The following DDX4 variants were observed in gnomAD, a reference collection of about 807,000 sequenced individuals.
DDX4 encodes probable ATP-dependent RNA helicase DDX4.
In DDX4, 25 loss-of-function variants were observed where a neutral mutation model predicts 100.0. The ratio of observed to expected loss-of-function variants is 0.25; its 90% CI spans 0.18 to 0.35. The LOEUF is 0.35. Ranked by LOEUF, DDX4 falls within the 10% of genes least tolerant of loss-of-function variation. The pLI, the probability that DDX4 is intolerant of heterozygous loss-of-function variation, is 1.00. For missense variants in DDX4, 635 were observed against 882.4 expected (o/e 0.72, Z 3.55); for synonymous variants, 259 against 275.7 (o/e 0.94, Z 0.60).
intron 3 of DDX4, among the ~76,000 whole-genome samples, chr5:55,748,926 A>G (rs1449575754): frequency 6.6e-6 from 1 of 152,080 alleles, no homozygotes; most frequent in South Asian, 2.1e-4. Flanking sequence ...TTGCTTACCC[A>G]TGCTTACCTT....
chr5:55,779,603 A>T (rs1016380569), intron 7 of DDX4, among the ~76,000 whole-genome samples: 6 of 152,206 alleles, frequency 3.9e-5, no homozygotes, highest in Admixed American at 6.6e-5. Context: ...TATATTCTAT[A>T]TGGAGCAGAT....
rs1010273192 is a variant in DDX4 at position 55,782,311 on chromosome 5, A to T, written c.625+330A>T. The T allele has an allele frequency of 1.8e-5, 4 of 222,472 alleles. No homozygotes were observed. In the South Asian group the frequency reaches 2.7e-4, roughly 15 times the overall value. The allele number at this position is 222,472 out of a possible 1,614,324, so 13.8% of individuals were successfully genotyped here. On this transcript the variant is annotated intron_variant, in intron 10 of 21. Coordinates refer to ENST00000505374, the MANE Select transcript of DDX4 (RefSeq NM_024415.3). ...AAAATCACCTAAAATTCATAAATAA[A>T]AAACTGTTTAAGTCCGGGTGCGGTG...
chr5:55,770,953 G>A (rs76029858), intron 7 of DDX4, among the ~76,000 whole-genome samples: 10,460 of 152,064 alleles, frequency 0.069, 562 homozygotes, highest in African/African-American at 0.15. Context: ...ATTTAAATGA[G>A]GCAGTCGAAA....
At chr5:55,781,042 T>A (rs1303117073) in intron 8 of DDX4, 24 bp from the exon 9 acceptor site, 4 of 1,586,490 alleles carry the variant, frequency 2.5e-6, no homozygotes. Flanking sequence ...TAATGTAATC[T>A]AATTTTACTT....
At chr5:55,760,471 A>C (rs561230233) in intron 4 of DDX4, among the ~76,000 whole-genome samples, 194 bp downstream of exon 4, 1 of 152,086 alleles carries the variant, frequency 6.6e-6, no homozygotes, top group Admixed American at 6.6e-5. Flanking sequence ...GATAGTAGGG[A>C]GTAGTGTTAA....
At chr5:55,804,930 C>G (rs187737) in intron 18 of DDX4, among the ~76,000 whole-genome samples, 1 of 151,118 alleles carries the variant, frequency 6.6e-6, no homozygotes, top group Admixed American at 6.6e-5. Context: ...GCCATTTTCA[C>G]GATATTGATT....
chr5:55,816,087 C>T (rs975893358), intron 21 of DDX4, among the ~76,000 whole-genome samples: 9 of 151,928 alleles, frequency 5.9e-5, no homozygotes, highest in Non-Finnish European at 1.0e-4. Context: ...CGCCCAGCCA[C>T]GAGGCTACAA....
intron 18 of DDX4, among the ~76,000 whole-genome samples, chr5:55,812,660 A>G (rs1474175659): frequency 6.6e-6 from 1 of 152,108 alleles, no homozygotes; most frequent in Admixed American, 6.5e-5. Flanking sequence ...CTCTTTTCCT[A>G]GATACCTGCA....
intron 7 of DDX4, among the ~76,000 whole-genome samples, chr5:55,778,313 T>C (rs1191771611): frequency 2.0e-5 from 3 of 152,132 alleles, no homozygotes; most frequent in Non-Finnish European, 2.9e-5. Context: ...TTAGAGGAAA[T>C]TTTATAGCCT....
At chr5:55,809,090 T>C (rs1743947670) in intron 18 of DDX4, among the ~76,000 whole-genome samples, 1 of 152,206 alleles carries the variant, frequency 6.6e-6, no homozygotes, top group Admixed American at 6.5e-5. Flanking sequence ...TGAGCGAGGC[T>C]CCATGGGGGT....
intron 10 of DDX4, among the ~76,000 whole-genome samples, chr5:55,784,461 G>A (rs1032317365): frequency 6.6e-6 from 1 of 152,158 alleles, no homozygotes; most frequent in Non-Finnish European, 1.5e-5. Context: ...GACATACCCA[G>A]AAATAATGGT....
At chr5:55,796,944 C>T (rs757485733) in intron 17 of DDX4, among the ~76,000 whole-genome samples, 4 of 145,572 alleles carry the variant, frequency 2.7e-5, no homozygotes, top group Non-Finnish European at 4.5e-5. Context: ...CTGGCTGAAG[C>T]GATCCTAGGC....
At position 55,743,911 on chromosome 5, in the gene DDX4, CTT is replaced by C. The variant is rs35808138; in HGVS notation, c.70-2237_70-2236del. On this transcript the variant is annotated intron_variant, in intron 2 of 21. Transcript: ENST00000505374. ...GTTTTATAACACTTGTAAAACCAGC[CTT>C]TTTTTTTTTTTTTTTGCCTCTATTC... 4.7e-3 allele frequency among the ~76,000 whole-genome samples: 534 copies of C among 113,380 alleles called. 2 individuals carry two copies. Among genetic ancestry groups the C allele is most frequent in the African/African-American group, 0.013 (426 of 31,560 alleles). The allele number at this position is 113,380 out of a possible 152,430, so 74.4% of individuals were successfully genotyped here.
At chr5:55,775,446 G>A (rs1253721137) in intron 7 of DDX4, among the ~76,000 whole-genome samples, 1 of 152,126 alleles carries the variant, frequency 6.6e-6, no homozygotes, top group Non-Finnish European at 1.5e-5. Context: ...AATTCCCTGG[G>A]TTGCTTCAAG....
chr5:55,765,914 C>T (rs865890112), intron 6 of DDX4, among the ~76,000 whole-genome samples: 3 of 152,166 alleles, frequency 2.0e-5, no homozygotes, highest in African/African-American at 7.2e-5. Flanking sequence ...AAGTGATTCT[C>T]CTGCCTCAGC....
chr5:55,744,630 A>G (rs1759157011), intron 2 of DDX4, among the ~76,000 whole-genome samples: 2 of 152,232 alleles, frequency 1.3e-5, no homozygotes, highest in African/African-American at 4.8e-5. Flanking sequence ...CTGCTAATGT[A>G]ATGCATGTGT....
intron 4 of DDX4, among the ~76,000 whole-genome samples, chr5:55,761,732 C>T (rs773988563): frequency 7.2e-5 from 11 of 152,100 alleles, no homozygotes; most frequent in South Asian, 2.1e-4. Context: ...CTCAGCCTTC[C>T]GAGTAGCTGA....
At chr5:55,785,646 ATCTTG>A in intron 12 of DDX4, 78 bp from the exon 13 acceptor site, 1 of 1,357,282 alleles carries the variant, frequency 7.4e-7, no homozygotes, top group Non-Finnish European at 1.0e-6. Flanking sequence ...TTAAAATTTG[ATCTTG>A]TCAATTTTTG....
chr5:55,798,648 T>A (rs1743114295), intron 18 of DDX4, 77 bp downstream of exon 18: 1 of 1,359,388 alleles, frequency 7.4e-7, no homozygotes, highest in Admixed American at 2.3e-5. Flanking sequence ...ACTAAAGAAT[T>A]GTTTGGTCTG....
Sources: gnomAD v4.1 joint callset for allele counts (sites outside exome capture counted in the v4.1 genomes callset) on GRCh38, gnomAD v4.1.1 for gene constraint, MANE v1.5 for transcripts, NCBI Gene and HGNC (gene_info 2026-07-23, HGNC 2026-07-21) for gene names.